CTNNA2: variants seen among roughly 807,000 people sequenced by gnomAD.
CTNNA2 encodes catenin alpha 2.
CTNNA2 carries 42 observed loss-of-function variants against 101.0 expected under a neutral mutation model. The ratio of observed to expected loss-of-function variants is 0.42; its 90% CI spans 0.32 to 0.54. The LOEUF (loss-of-function observed/expected upper bound fraction) is 0.54. Among genes scored for constraint, CTNNA2 ranks in the 20% least tolerant of loss-of-function variants. The pLI is 0.14. For synonymous variants in CTNNA2, 450 were observed against 456.4 expected (o/e 0.99, Z 0.18); for missense variants, 871 against 1,223.1 (o/e 0.71, Z 4.29).
intron 2 of CTNNA2, among the ~76,000 whole-genome samples, chr2:79,301,229 T>C (rs1182546217): frequency 7.2e-5 from 11 of 152,254 alleles, no homozygotes; most frequent in Admixed American, 3.3e-4. Context: ...TTATAAGATT[T>C]TCCAATTCCA....
intron 2 of CTNNA2, among the ~76,000 whole-genome samples, chr2:79,277,605 A>G (rs948650906): frequency 3.9e-5 from 6 of 152,088 alleles, no homozygotes; most frequent in Admixed American, 6.5e-5. Flanking sequence ...CAAAAGTTCT[A>G]TGACATAGGT....
intron 1 of CTNNA2, among the ~76,000 whole-genome samples, chr2:79,540,532 C>G (rs997814305): frequency 2.0e-5 from 3 of 152,182 alleles, no homozygotes; most frequent in African/African-American, 7.2e-5. Context: ...TTATACTAAT[C>G]CCCATTGTAT....
intron 7 of CTNNA2, among the ~76,000 whole-genome samples, chr2:80,020,483 G>C (rs548108502): frequency 6.6e-6 from 1 of 152,218 alleles, no homozygotes; most frequent in Admixed American, 6.5e-5. Flanking sequence ...CTTTTTTTCA[G>C]TGCACCCAGA....
intron 9 of CTNNA2, among the ~76,000 whole-genome samples, chr2:80,531,576 C>G (rs925450032): frequency 1.3e-5 from 2 of 152,184 alleles, no homozygotes; most frequent in African/African-American, 4.8e-5. Flanking sequence ...CTGCAAACTT[C>G]TTTTGTCAAT....
At chr2:80,203,157 A>G (rs1707313588) in intron 7 of CTNNA2, among the ~76,000 whole-genome samples, 1 of 152,184 alleles carries the variant, frequency 6.6e-6, no homozygotes, top group South Asian at 2.1e-4. Context: ...CTACAAGATG[A>G]GATTTGGGTG....
intron 1 of CTNNA2, among the ~76,000 whole-genome samples, chr2:79,566,841 CT>C (rs1454746496): frequency 6.6e-6 from 1 of 152,126 alleles, no homozygotes; most frequent in African/African-American, 2.4e-5. Flanking sequence ...TTGAATCCTA[CT>C]TTAACTTCTT....
chr2:79,816,099 A>T (rs190680967), intron 3 of CTNNA2, among the ~76,000 whole-genome samples: 4 of 152,136 alleles, frequency 2.6e-5, no homozygotes, highest in African/African-American at 9.6e-5. Context: ...GTGTACATTA[A>T]TCTTGTATCC....
intron 7 of CTNNA2, among the ~76,000 whole-genome samples, chr2:80,192,839 C>A (rs1428466541): frequency 6.6e-6 from 1 of 152,190 alleles, no homozygotes; most frequent in Non-Finnish European, 1.5e-5. Context: ...TTCAAAGAAT[C>A]CAACTCTTTG....
intron 8 of CTNNA2, among the ~76,000 whole-genome samples, chr2:80,400,404 A>G (rs914253601): frequency 1.1e-4 from 16 of 152,054 alleles, no homozygotes; most frequent in African/African-American, 1.7e-4. Flanking sequence ...TTGCTCCAGG[A>G]TGTCCTCATA....
At chr2:79,630,443 C>G (rs898856836) in intron 1 of CTNNA2, among the ~76,000 whole-genome samples, 3 of 152,116 alleles carry the variant, frequency 2.0e-5, no homozygotes, top group African/African-American at 7.2e-5. Flanking sequence ...TATTTATACA[C>G]AGAAACACAC....
intron 4 of CTNNA2, among the ~76,000 whole-genome samples, chr2:79,391,287 C>T (rs1156294790): frequency 1.3e-5 from 2 of 152,164 alleles, no homozygotes; most frequent in African/African-American, 4.8e-5. Flanking sequence ...CCTTCTCCTC[C>T]TCCTCTGCCT....
At chr2:79,754,191 G>A (rs545122207) in intron 3 of CTNNA2, among the ~76,000 whole-genome samples, 2 of 151,920 alleles carry the variant, frequency 1.3e-5, no homozygotes, top group African/African-American at 4.8e-5. Flanking sequence ...TTATTCAATC[G>A]ACATTTATTA....
At chr2:79,397,230 A>G (rs1341933239) in intron 4 of CTNNA2, among the ~76,000 whole-genome samples, 1 of 152,130 alleles carries the variant, frequency 6.6e-6, no homozygotes, top group Non-Finnish European at 1.5e-5. Flanking sequence ...GAAACATTAT[A>G]ATTCTCATGT....
intron 4 of CTNNA2, among the ~76,000 whole-genome samples, chr2:79,501,936 AAT>A (rs1320198364): frequency 6.6e-6 from 1 of 151,786 alleles, no homozygotes; most frequent in African/African-American, 2.4e-5. Context: ...TGCTAGCAGA[AAT>A]AGTCTCCCAT....
At chr2:79,508,146 G>T (rs563963016), upstream of CTNNA2, among the ~76,000 whole-genome samples, 3 of 152,088 alleles carry the variant, frequency 2.0e-5, no homozygotes, top group East Asian at 1.9e-4. Context: ...TGAACACAAG[G>T]CTCCAGCAAG....
chr2:80,137,939 A>G (rs1702789381), intron 7 of CTNNA2, among the ~76,000 whole-genome samples: 1 of 152,122 alleles, frequency 6.6e-6, no homozygotes. Context: ...CATAAGATGG[A>G]AGAATTAGCT....
intron 7 of CTNNA2, among the ~76,000 whole-genome samples, chr2:80,137,463 G>T (rs542696915): frequency 6.6e-6 from 1 of 152,242 alleles, no homozygotes; most frequent in South Asian, 2.1e-4. Context: ...CAGTGAATTA[G>T]CAAGGCAATT....
At chr2:79,885,302 C>T (rs539792903) in intron 6 of CTNNA2, among the ~76,000 whole-genome samples, 1 of 152,304 alleles carries the variant, frequency 6.6e-6, no homozygotes, top group South Asian at 2.1e-4. Context: ...GCCTCCATTT[C>T]AAATGCCACT....
chr2:80,544,627 T>A (rs1329725881), intron 9 of CTNNA2, among the ~76,000 whole-genome samples: 3 of 152,074 alleles, frequency 2.0e-5, no homozygotes, highest in African/African-American at 7.2e-5. Context: ...GGGTCAGAAC[T>A]GAGTACTGAT....
Sources: gnomAD v4.1 joint callset for allele counts (sites outside exome capture counted in the v4.1 genomes callset) on GRCh38, gnomAD v4.1.1 for gene constraint, MANE v1.5 for transcripts, NCBI Gene and HGNC (gene_info 2026-07-23, HGNC 2026-07-21) for gene names.